The following MORC4 variants were observed in gnomAD, a reference collection of about 807,000 sequenced individuals.
The protein encoded by MORC4 is MORC family CW-type zinc finger protein 4.
A neutral mutation model predicts 65.5 loss-of-function variants in MORC4; 22 were observed. The ratio of observed to expected loss-of-function variants is 0.34; its 90% CI spans 0.24 to 0.48. The LOEUF is 0.48. Among genes scored for constraint, MORC4 ranks in the 20% least tolerant of loss-of-function variants. MORC4 has a pLI of 0.99. For missense variants in MORC4, 624 were observed against 703.0 expected (o/e 0.89, Z 1.27); for synonymous variants, 267 against 255.8 (o/e 1.04, Z -0.42).
chrX:106,993,885 G>A (rs1005512885), intron 2 of MORC4, among the ~76,000 whole-genome samples: 2 of 112,015 alleles, frequency 1.8e-5, no homozygotes, highest in Non-Finnish European at 3.8e-5. Context: ...TGCCATTCCT[G>A]TTTATAGCCT....
chrX:106,980,741 A>G, intron 7 of MORC4, 150 bp downstream of exon 7: 1 of 392,156 alleles, frequency 2.6e-6, no homozygotes, highest in Non-Finnish European at 4.2e-6. Context: ...TTTAAGAAAG[A>G]CTTCCTCAGA....
intron 9 of MORC4, among the ~76,000 whole-genome samples, chrX:106,971,621 G>GA (rs1934512498): frequency 9.0e-6 from 1 of 111,671 alleles, no homozygotes; most frequent in Non-Finnish European, 1.9e-5. Context: ...AATTTACAAT[G>GA]AAAAAGCAAA....
intron 6 of MORC4, 108 bp downstream of exon 6, chrX:106,981,237 G>T: frequency 1.1e-6 from 1 of 929,390 alleles, no homozygotes; most frequent in Non-Finnish European, 1.5e-6. Context: ...ACTAGCACAT[G>T]GCTGGAACGT....
At chrX:106,949,937 T>G (rs1933933569) in intron 14 of MORC4, among the ~76,000 whole-genome samples, 1 of 112,340 alleles carries the variant, frequency 8.9e-6, no homozygotes, top group South Asian at 3.7e-4. Context: ...TGATTTCATT[T>G]TTAAGCCTGG....
intron 2 of MORC4, among the ~76,000 whole-genome samples, chrX:106,993,804 C>A (rs1935026698): frequency 8.9e-6 from 1 of 112,157 alleles, no homozygotes; most frequent in Non-Finnish European, 1.9e-5. Context: ...ACACACATTA[C>A]AGTTTATTTG....
chrX:106,953,551 G>A (rs1363639375), intron 14 of MORC4, among the ~76,000 whole-genome samples: 5 of 111,740 alleles, frequency 4.5e-5, no homozygotes, highest in African/African-American at 6.5e-5. Flanking sequence ...TTCTTATCCC[G>A]TTGCTACAAA....
intron 3 of MORC4, among the ~76,000 whole-genome samples, chrX:106,989,206 G>C (rs995392555): frequency 8.9e-6 from 1 of 112,307 alleles, no homozygotes; most frequent in Admixed American, 9.4e-5. Context: ...TGGTTCTGTG[G>C]CTGTTTTTAG....
chrX:106,990,610 G>T (rs1250612806), intron 3 of MORC4, among the ~76,000 whole-genome samples: 2 of 112,527 alleles, frequency 1.8e-5, no homozygotes, highest in African/African-American at 6.5e-5. Context: ...GGTGGCTCAT[G>T]CCTGTAATCT....
At chrX:106,980,727 G>A (rs778021201) in intron 7 of MORC4, among the ~76,000 whole-genome samples, 164 bp downstream of exon 7, 1 of 111,449 alleles carries the variant, frequency 9.0e-6, no homozygotes, top group African/African-American at 3.2e-5. Context: ...TACACAGATT[G>A]GCATTTAAGA....
chrX:106,996,911 C>T (rs1182213241), intron 2 of MORC4, among the ~76,000 whole-genome samples: 1 of 112,065 alleles, frequency 8.9e-6, no homozygotes, highest in Non-Finnish European at 1.9e-5. Flanking sequence ...GATAAGATGG[C>T]AAATGGGAGA....
At chrX:106,964,774 C>G (rs1934333216) in intron 9 of MORC4, among the ~76,000 whole-genome samples, 1 of 112,039 alleles carries the variant, frequency 8.9e-6, no homozygotes. Flanking sequence ...CTTTGAGAGG[C>G]TGAGGCAGGT....
chrX:106,971,995 T>C (rs1934525391), intron 9 of MORC4, among the ~76,000 whole-genome samples: 1 of 111,954 alleles, frequency 8.9e-6, no homozygotes, highest in Non-Finnish European at 1.9e-5. Flanking sequence ...TATAAATCAT[T>C]CTACTATAAA....
At chrX:106,978,652 A>G (rs1237179558) in intron 7 of MORC4, among the ~76,000 whole-genome samples, 2 of 111,039 alleles carry the variant, frequency 1.8e-5, no homozygotes, top group Non-Finnish European at 3.8e-5. Context: ...ATGCATAGAA[A>G]GACTGTAAGA....
Position 106,985,161 on chromosome X carries a change from C to G in MORC4, c.609G>C (p.Leu203=). 2 of 1,205,759 alleles carry G rather than the reference C, an allele frequency of 1.7e-6. No individual in the cohort carries two copies. Among genetic ancestry groups the G allele is most frequent in the Non-Finnish European group, 2.2e-6 (2 of 891,441 alleles). Residue 203 remains leucine, a synonymous_variant, in exon 5 of 17, where the codon CTG becomes CTC. Coordinates refer to ENST00000355610, the MANE Select transcript of MORC4 (RefSeq NM_024657.5). ...NYSIFNREND[L]LAQFDAIPGK... is the part of the protein sequence containing the mutation. ...CTGGGATGGCATCAAACTGGGCCAG[C>G]AGGTCATTTTCACGGTTGAAAATGG... is the stretch of plus-strand genomic sequence containing the variant.
In MORC4 at chrX:106,998,141, T is replaced by C. The variant is rs1441861401; in HGVS notation, c.175+1536A>G. 3.6e-5 allele frequency among the ~76,000 whole-genome samples: 4 copies of C among 111,945 alleles called. No homozygotes were observed. In the East Asian group the frequency reaches 8.3e-4, roughly 23 times the overall value. ...AAAATTAATGCTTAAGTGGAGAAAA[T>C]GATTGAAGGAAAACCTAAAATGAAA... On this transcript the variant is annotated intron_variant, in intron 2 of 16. Coordinates refer to ENST00000355610, the MANE Select transcript of MORC4 (RefSeq NM_024657.5).
chrX:106,961,993 T>A lies in MORC4; in HGVS notation c.1256+19A>T. The A allele has an allele frequency of 2.8e-6, 3 of 1,066,573 alleles. No individual in the cohort carries two copies. Among genetic ancestry groups the A allele is most frequent in the Non-Finnish European group, 3.9e-6 (3 of 764,480 alleles). 87.9% of individuals were successfully genotyped at this position (1,066,573 alleles called of 1,213,427 possible). Reference sequence around the variant, plus strand: ...GGATATTACCCCTAATACATTCATATTCTGTATGTATTACTTACGGTATTG... The same window carrying A: ...GGATATTACCCCTAATACATTCATAATCTGTATGTATTACTTACGGTATTG... On this transcript the variant is annotated intron_variant, in intron 10 of 16. Transcript: ENST00000355610.
chrX:106,945,363 G>C (rs1274497025), intron 14 of MORC4, among the ~76,000 whole-genome samples: 1 of 107,334 alleles, frequency 9.3e-6, no homozygotes, highest in African/African-American at 3.4e-5. Context: ...TGCTACTTCT[G>C]AATTCCTATA....
chrX:106,965,537 C>T lies in MORC4; in HGVS notation c.1158-3427G>A, dbSNP rs186192207. 9.3e-4 allele frequency among the ~76,000 whole-genome samples: 104 copies of T among 111,468 alleles called. 1 individual carries two copies. The highest frequency in any genetic ancestry group is 1.8e-3 in the Non-Finnish European group (95 of 53,097). On this transcript the variant is annotated intron_variant, in intron 9 of 16. Coordinates refer to ENST00000355610, the MANE Select transcript of MORC4 (RefSeq NM_024657.5). ...GATTAAATCCAGATTCACAAAGATA[C>T]GATATAATGAAAAAGAATGTAGCGG...
At chrX:106,979,486 G>A (rs1448320295) in intron 7 of MORC4, among the ~76,000 whole-genome samples, 1 of 110,811 alleles carries the variant, frequency 9.0e-6, no homozygotes, top group Non-Finnish European at 1.9e-5. Context: ...CACCAAATTA[G>A]CATAAGGAGA....
Sources: allele counts gnomAD v4.1 joint callset (sites outside exome capture counted in the v4.1 genomes callset), GRCh38; gene constraint gnomAD v4.1.1; transcripts MANE v1.5; gene names NCBI Gene and HGNC (gene_info 2026-07-23, HGNC 2026-07-21).